Variants in DLGAP2 observed in about 807,000 individuals in gnomAD.
The protein encoded by DLGAP2 is DLG associated protein 2, also known as disks large-associated protein 2.
Under a neutral mutation model 100.3 loss-of-function variants are expected in DLGAP2, and 26 were observed. The ratio of observed to expected loss-of-function variants is 0.26; its 90% CI spans 0.19 to 0.36. The LOEUF is 0.36. DLGAP2 is among the 10% of genes least tolerant of loss of function. DLGAP2 has a pLI of 1.00. For missense variants in DLGAP2, 1,858 were observed against 1,453.2 expected (o/e 1.28, Z -4.53); for synonymous variants, 886 against 630.1 (o/e 1.41, Z -6.08).
chr8:1,413,510 C>G (rs1463530294), intron 3 of DLGAP2, among the ~76,000 whole-genome samples: 1 of 152,172 alleles, frequency 6.6e-6, no homozygotes, highest in Non-Finnish European at 1.5e-5. Flanking sequence ...TTACTTTGCA[C>G]TAAATCTGGC....
At chr8:956,275 T>C (rs6981057) in intron 2 of DLGAP2, among the ~76,000 whole-genome samples, 65,954 of 152,114 alleles carry the variant, frequency 0.43, 14,782 homozygotes, top group Admixed American at 0.53. Context: ...AGCCGACAAG[T>C]TGTGCTCCCC....
intron 3 of DLGAP2, among the ~76,000 whole-genome samples, chr8:1,286,979 T>A (rs953148764): frequency 1.3e-5 from 2 of 152,246 alleles, no homozygotes; most frequent in African/African-American, 4.8e-5. Flanking sequence ...CTTAGCAAAT[T>A]ATTTTTAAAA....
intron 1 of DLGAP2, among the ~76,000 whole-genome samples, chr8:877,649 A>T (rs1332221596): frequency 1.3e-5 from 2 of 152,196 alleles, no homozygotes; most frequent in Non-Finnish European, 2.9e-5. Context: ...CAGCTGTCTT[A>T]TTCCCTAGTT....
intron 2 of DLGAP2, among the ~76,000 whole-genome samples, chr8:1,220,148 A>T (rs929542899): frequency 2.6e-5 from 4 of 151,800 alleles, no homozygotes; most frequent in Admixed American, 2.0e-4. Context: ...GTTTTCTTCT[A>T]CCTTTGGGTT....
At chr8:940,702 C>G (rs1323326056) in intron 2 of DLGAP2, among the ~76,000 whole-genome samples, 1 of 152,194 alleles carries the variant, frequency 6.6e-6, no homozygotes, top group East Asian at 1.9e-4. Flanking sequence ...TCTCCCATGT[C>G]TCCAGATGCT....
At chr8:1,293,250 C>T (rs1043341107) in intron 3 of DLGAP2, among the ~76,000 whole-genome samples, 2 of 152,230 alleles carry the variant, frequency 1.3e-5, no homozygotes, top group African/African-American at 4.8e-5. Context: ...ATGCCCTCTC[C>T]CTCTCCTGGT....
intron 3 of DLGAP2, among the ~76,000 whole-genome samples, chr8:1,328,483 T>C (rs962208736): frequency 6.6e-6 from 1 of 151,986 alleles, no homozygotes; most frequent in Non-Finnish European, 1.5e-5. Context: ...CTAATTTGTG[T>C]GTGTTTTTTT....
chr8:1,335,925 G>T (rs1263799202), intron 3 of DLGAP2, among the ~76,000 whole-genome samples: 1 of 152,256 alleles, frequency 6.6e-6, no homozygotes, highest in Non-Finnish European at 1.5e-5. Context: ...CTAGAGCCGG[G>T]GCTGCGCGTG....
chr8:795,628 G>C lies in DLGAP2; in HGVS notation c.18+57803G>C, dbSNP rs932648797. Among the ~76,000 whole-genome samples the C allele has an allele frequency of 2.7e-5, 4 of 148,030 alleles. No homozygotes were observed. The East Asian group carries it at 8.0e-4, about 30-fold the overall frequency. On this transcript the variant is annotated intron_variant, in intron 1 of 14. Coordinates refer to ENST00000637795, the MANE Select transcript of DLGAP2 (RefSeq NM_001346810.2). ...GTCATGGAGCAGGTGTCCAGTGAGA[G>C]CAGGCGTCCAGTGAGAGCAGGCGTC...
intron 4 of DLGAP2, among the ~76,000 whole-genome samples, chr8:1,505,936 T>A (rs1799897429): frequency 6.6e-6 from 1 of 152,206 alleles, no homozygotes; most frequent in South Asian, 2.1e-4. Context: ...AAAATGAAAT[T>A]TTAAAAAGTT....
intron 6 of DLGAP2, among the ~76,000 whole-genome samples, chr8:1,623,569 T>C (rs4875877): frequency 0.24 from 35,061 of 147,514 alleles, 4,073 homozygotes; most frequent in Middle Eastern, 0.41. Context: ...CACCAGTGCG[T>C]GATGACCTGA....
At chr8:1,100,332 C>T (rs912626440) in intron 2 of DLGAP2, among the ~76,000 whole-genome samples, 50 of 152,044 alleles carry the variant, frequency 3.3e-4, no homozygotes, top group African/African-American at 1.1e-3. Context: ...AGCATGTCCA[C>T]AGTGTACAGC....
chr8:1,408,033 G>A (rs1163157341), intron 3 of DLGAP2, among the ~76,000 whole-genome samples: 1 of 152,228 alleles, frequency 6.6e-6, no homozygotes, highest in Admixed American at 6.5e-5. Flanking sequence ...ATGCCAGTCA[G>A]GACAACCAAA....
chr8:1,346,951 C>T (rs1276561870), intron 3 of DLGAP2, among the ~76,000 whole-genome samples: 1 of 80,990 alleles, frequency 1.2e-5, no homozygotes, highest in Non-Finnish European at 2.6e-5. Context: ...CATGGTAGCT[C>T]TGTGGAAGTT....
At chr8:800,317 A>G (rs910798651) in intron 1 of DLGAP2, among the ~76,000 whole-genome samples, 3 of 152,346 alleles carry the variant, frequency 2.0e-5, no homozygotes, top group East Asian at 3.9e-4. Flanking sequence ...AATGCTGGAG[A>G]GGCCTAGTGA....
At chr8:882,135 G>A (rs1797812286) in intron 1 of DLGAP2, among the ~76,000 whole-genome samples, 1 of 152,234 alleles carries the variant, frequency 6.6e-6, no homozygotes, top group South Asian at 2.1e-4. Context: ...GAACTTAAGA[G>A]AGGCGTCAGT....
At chr8:1,006,219 C>T (rs1213071664) in intron 2 of DLGAP2, among the ~76,000 whole-genome samples, 1 of 152,130 alleles carries the variant, frequency 6.6e-6, no homozygotes, top group Non-Finnish European at 1.5e-5. Flanking sequence ...CATGCCCCAC[C>T]ATCCCCCAAC....
At chr8:1,200,229 C>G (rs548018674) in intron 2 of DLGAP2, among the ~76,000 whole-genome samples, 2 of 152,210 alleles carry the variant, frequency 1.3e-5, no homozygotes, top group South Asian at 2.1e-4. Flanking sequence ...GGGACAGCTT[C>G]GTGTCTTTTC....
At chr8:1,456,730 C>T (rs1798323646) in intron 3 of DLGAP2, among the ~76,000 whole-genome samples, 1 of 151,972 alleles carries the variant, frequency 6.6e-6, no homozygotes, top group Non-Finnish European at 1.5e-5. Context: ...GCTGAAGGCC[C>T]CGGTCGTTGG....
Sources: gnomAD v4.1 joint callset for allele counts (sites outside exome capture counted in the v4.1 genomes callset) on GRCh38, gnomAD v4.1.1 for gene constraint, MANE v1.5 for transcripts, NCBI Gene and HGNC (gene_info 2026-07-23, HGNC 2026-07-21) for gene names.